SRGAP1: variants seen among roughly 807,000 people sequenced by gnomAD.
SRGAP1 encodes SLIT-ROBO Rho GTPase-activating protein 1.
Under a neutral mutation model 121.9 loss-of-function variants are expected in SRGAP1, and 43 were observed. That is an observed-to-expected ratio of 0.35 (90% CI 0.28 to 0.46). SRGAP1 has a LOEUF of 0.46. SRGAP1 is among the 20% of genes least tolerant of loss of function. The pLI is 1.00. For synonymous variants in SRGAP1, 447 were observed against 485.4 expected (o/e 0.92, Z 1.04); for missense variants, 1,102 against 1,350.9 (o/e 0.82, Z 2.89).
intron 4 of SRGAP1, among the ~76,000 whole-genome samples, chr12:64,027,116 G>C (rs907524387): frequency 2.0e-5 from 3 of 152,054 alleles, no homozygotes; most frequent in African/African-American, 7.3e-5. Flanking sequence ...CTAAAGTTAG[G>C]ACATAATAAC....
At chr12:64,023,080 G>T (rs1467250742) in intron 4 of SRGAP1, among the ~76,000 whole-genome samples, 1 of 151,906 alleles carries the variant, frequency 6.6e-6, no homozygotes, top group Non-Finnish European at 1.5e-5. Flanking sequence ...AATGGGGATG[G>T]CCCCAGCTTC....
chr12:63,878,253 A>G (rs553689732), intron 1 of SRGAP1, among the ~76,000 whole-genome samples: 1 of 152,306 alleles, frequency 6.6e-6, no homozygotes, highest in East Asian at 1.9e-4. Flanking sequence ...GGGAGCAAAT[A>G]TTTGAGGCTT....
chr12:64,141,779 C>T (rs1261928365), intron 21 of SRGAP1, among the ~76,000 whole-genome samples: 2 of 151,934 alleles, frequency 1.3e-5, no homozygotes, highest in African/African-American at 4.8e-5. Flanking sequence ...AGCAAGACCC[C>T]ATCTCTACAA....
intron 12 of SRGAP1, chr12:64,091,800 A>C (rs1377715125): frequency 3.5e-6 from 3 of 858,010 alleles, no homozygotes; most frequent in Non-Finnish European, 5.0e-6. Context: ...CATTATATTG[A>C]ATGAATTGTA....
chr12:64,043,664 A>G (rs1313048680), intron 6 of SRGAP1, 89 bp downstream of exon 6: 2 of 1,039,336 alleles, frequency 1.9e-6, no homozygotes, highest in African/African-American at 3.3e-5. Flanking sequence ...GTCATTTCTT[A>G]AGACTGTTAT....
At chr12:63,860,215 T>C (rs1248587909) in intron 1 of SRGAP1, among the ~76,000 whole-genome samples, 4 of 152,214 alleles carry the variant, frequency 2.6e-5, no homozygotes, top group Non-Finnish European at 5.9e-5. Flanking sequence ...TTCACCATGT[T>C]GCTCAGGCTT....
intron 15 of SRGAP1, among the ~76,000 whole-genome samples, chr12:64,098,265 A>G (rs1285929126): frequency 6.6e-6 from 1 of 151,326 alleles, no homozygotes; most frequent in East Asian, 2.0e-4. Context: ...CACTGGGGAT[A>G]GTTAGAGTGT....
chr12:63,920,576 T>G (rs1322785174), intron 1 of SRGAP1, among the ~76,000 whole-genome samples: 1 of 152,184 alleles, frequency 6.6e-6, no homozygotes, highest in Non-Finnish European at 1.5e-5. Context: ...TTTTAAAATA[T>G]GTTGGCTTCT....
chr12:64,017,011 C>T lies in SRGAP1; in HGVS notation c.488C>T (p.Thr163Met), dbSNP rs771001102. The change falls in exon 4 of 22, where the codon ACG (threonine) becomes ATG (methionine). Residue 163 changes from threonine (T) to methionine (M), a missense_variant and splice_region_variant. Physicochemically the swap from Thr to Met is moderately conservative, Grantham distance 81 (BLOSUM62 -1). Around this residue, in one of 3 missense-constraint regions of SRGAP1, gnomAD observed 747 missense variants for 929.4 expected, o/e 0.80. Coordinates refer to ENST00000355086, the MANE Select transcript of SRGAP1 (RefSeq NM_020762.4). The part of the protein sequence containing the change: ...DLMKVLNELY[T>M]VMKTYHMYHA... The stretch of plus-strand genomic sequence containing the variant: ...ATGAAGGTTCTTAATGAGCTTTATA[C>T]GGTAAGGACATAATCTTTCTTCTTT... The T allele has an allele frequency of 7.9e-6, 12 of 1,512,358 alleles. No homozygotes were observed. The highest frequency in any genetic ancestry group is 2.4e-5 in the South Asian group (2 of 84,048). The allele number at this position is 1,512,358 out of a possible 1,614,324, so 93.7% of individuals were successfully genotyped here. A position where few individuals can be genotyped will look rare whatever the true frequency, so the allele number is the denominator to read the frequency against.
At chr12:64,122,780 C>T (rs577858977) in intron 18 of SRGAP1, among the ~76,000 whole-genome samples, 112 of 152,200 alleles carry the variant, frequency 7.4e-4, no homozygotes, top group African/African-American at 2.6e-3. Flanking sequence ...TGCCTGCAGT[C>T]CCGGCTACTC....
chr12:63,929,426 C>T (rs1252669611), intron 1 of SRGAP1, among the ~76,000 whole-genome samples: 4 of 152,202 alleles, frequency 2.6e-5, no homozygotes, highest in Non-Finnish European at 5.9e-5. Context: ...TTCATGACAG[C>T]ACCTCAGTGC....
intron 1 of SRGAP1, among the ~76,000 whole-genome samples, chr12:63,925,041 G>A (rs910830435): frequency 1.3e-5 from 2 of 152,170 alleles, no homozygotes; most frequent in Non-Finnish European, 2.9e-5. Flanking sequence ...AGGGGTGACT[G>A]TCACTGCATT....
intron 15 of SRGAP1, among the ~76,000 whole-genome samples, chr12:64,107,913 A>G (rs551180968): frequency 6.6e-6 from 1 of 152,210 alleles, no homozygotes; most frequent in African/African-American, 2.4e-5. Context: ...AAGAAAGGCA[A>G]CCAGACTTAT....
chr12:63,947,598 T>C (rs1021090965), intron 1 of SRGAP1, among the ~76,000 whole-genome samples: 1 of 152,210 alleles, frequency 6.6e-6, no homozygotes, highest in Non-Finnish European at 1.5e-5. Context: ...ACTATGTATG[T>C]GTGGATCTCT....
At chr12:64,005,979 C>A (rs922481762) in intron 3 of SRGAP1, among the ~76,000 whole-genome samples, 1 of 152,210 alleles carries the variant, frequency 6.6e-6, no homozygotes, top group Non-Finnish European at 1.5e-5. Flanking sequence ...TCAACTGGTA[C>A]CCCCATAGGA....
intron 1 of SRGAP1, among the ~76,000 whole-genome samples, chr12:63,947,779 A>G (rs181181656): frequency 1.2e-3 from 183 of 152,208 alleles, no homozygotes; most frequent in Admixed American, 2.2e-3. Flanking sequence ...ATATTTTCCC[A>G]TTTGTTTTAG....
intron 8 of SRGAP1, among the ~76,000 whole-genome samples, chr12:64,066,283 CT>C (rs2035539358): frequency 6.6e-6 from 1 of 152,190 alleles, no homozygotes; most frequent in Non-Finnish European, 1.5e-5. Context: ...ATTCTTGTCT[CT>C]GAAGTAGGAC....
At chr12:63,938,767 T>C (rs902081871) in intron 1 of SRGAP1, among the ~76,000 whole-genome samples, 1 of 151,998 alleles carries the variant, frequency 6.6e-6, no homozygotes, top group Non-Finnish European at 1.5e-5. Flanking sequence ...AGCCTGAAAT[T>C]CCTTTAAGTT....
intron 1 of SRGAP1, among the ~76,000 whole-genome samples, chr12:63,936,812 GAAC>G (rs2031677263): frequency 1.3e-5 from 2 of 152,108 alleles, no homozygotes; most frequent in Admixed American, 1.3e-4. Context: ...ACTTTGATCT[GAAC>G]AACAATTCTG....
Sources: allele counts gnomAD v4.1 joint callset (sites outside exome capture counted in the v4.1 genomes callset), GRCh38; gene constraint gnomAD v4.1.1; regional missense constraint gnomAD v4.1.1; transcripts MANE v1.5; gene names NCBI Gene and HGNC (gene_info 2026-07-23, HGNC 2026-07-21).